Variants in METTL2B observed in about 807,000 individuals in gnomAD.
METTL2B encodes the protein methyltransferase 2B, tRNA N3-cytidine.
METTL2B carries 28 observed loss-of-function variants against 51.0 expected under a neutral mutation model. The ratio of observed to expected loss-of-function variants is 0.55; its 90% CI spans 0.41 to 0.75. METTL2B has a LOEUF of 0.75. Ranked by LOEUF, METTL2B falls within the 30% of genes least tolerant of loss-of-function variation. The pLI is 0.00. For missense variants in METTL2B, 313 were observed against 460.7 expected, an observed-to-expected ratio of 0.68 and a Z score of 2.93; for synonymous variants, 128 against 166.3, an observed-to-expected ratio of 0.77 and a Z score of 1.77.
chr7:128,490,219 C>T (rs1468120699), intron 5 of METTL2B, among the ~76,000 whole-genome samples: 1 of 151,882 alleles, frequency 6.6e-6, no homozygotes, highest in Non-Finnish European at 1.5e-5. Context: ...AGAAGCAACT[C>T]CTTATAGATA....
At chr7:128,500,825 C>A in intron 7 of METTL2B, 78 bp from the exon 8 acceptor site, 1 of 1,564,022 alleles carries the variant, frequency 6.4e-7, no homozygotes, top group Non-Finnish European at 8.8e-7. Context: ...AAACTGGCCT[C>A]TCAGTTAACA....
At chr7:128,486,973 A>G (rs927582856) in intron 4 of METTL2B, among the ~76,000 whole-genome samples, 2 of 152,244 alleles carry the variant, frequency 1.3e-5, no homozygotes, top group Admixed American at 1.3e-4. Context: ...CAGGACAGGC[A>G]TGGACCCTGC....
intron 3 of METTL2B, among the ~76,000 whole-genome samples, chr7:128,479,801 T>C (rs1483393850): frequency 1.3e-5 from 2 of 152,240 alleles, no homozygotes; most frequent in Non-Finnish European, 2.9e-5. Context: ...CACTGTATCA[T>C]ACAGGTGAAA....
intron 6 of METTL2B, among the ~76,000 whole-genome samples, chr7:128,497,380 T>C (rs1447164778): frequency 6.6e-6 from 1 of 152,206 alleles, no homozygotes; most frequent in Admixed American, 6.5e-5. Flanking sequence ...CAGAACCCAC[T>C]GGATGCTCAG....
chr7:128,478,442 G>C (rs1799830696), intron 2 of METTL2B, among the ~76,000 whole-genome samples: 1 of 151,184 alleles, frequency 6.6e-6, no homozygotes, highest in Non-Finnish European at 1.5e-5. Flanking sequence ...GTACAGATGG[G>C]GTTTCACCAT....
intron 6 of METTL2B, among the ~76,000 whole-genome samples, chr7:128,496,082 G>A (rs908826317): frequency 3.9e-5 from 6 of 152,112 alleles, no homozygotes; most frequent in Non-Finnish European, 7.4e-5. Context: ...AGAGTCCAAG[G>A]ACCCCTTGCT....
rs928009796 is a variant in METTL2B, at chr7:128,504,948, A to C, written c.*3032A>C. 3 of 151,984 alleles carry C rather than the reference A, an allele frequency of 2.0e-5. No homozygotes were observed. The highest frequency in any genetic ancestry group is 2.0e-4 in the Admixed American group (3 of 15,248). The allele number at this position is 151,984 out of a possible 1,614,324, so 9.4% of individuals were successfully genotyped here. ...ACCCCGTCTCTACTAAAAATACAAA[A>C]TAGCCAGGTGTGATGGCGCATGCCT... On this transcript the variant is annotated 3_prime_UTR_variant, in exon 9 of 9. Transcript: ENST00000262432.
chr7:128,478,568 A>C (rs1212269909), intron 2 of METTL2B, among the ~76,000 whole-genome samples: 1 of 148,226 alleles, frequency 6.7e-6, no homozygotes, highest in Non-Finnish European at 1.5e-5. Context: ...ATTTTTTAAT[A>C]GTTAAAAGTC....
chr7:128,478,151 T>A (rs1473531303), intron 2 of METTL2B, among the ~76,000 whole-genome samples: 1 of 152,006 alleles, frequency 6.6e-6, no homozygotes, highest in African/African-American at 2.4e-5. Flanking sequence ...TTATTCTTTC[T>A]ACTACACTAG....
intron 4 of METTL2B, among the ~76,000 whole-genome samples, chr7:128,484,844 G>A (rs1329141034): frequency 6.6e-6 from 1 of 152,144 alleles, no homozygotes; most frequent in African/African-American, 2.4e-5. Context: ...GCCTGCCAAA[G>A]TGCTGGGATT....
chr7:128,504,777 C>G lies in METTL2B; in HGVS notation c.*2861C>G, dbSNP rs1042741342. 1 of 151,732 alleles carries G rather than the reference C, an allele frequency of 6.6e-6. No individual in the cohort carries two copies. The highest frequency in any genetic ancestry group is 2.4e-5 in the African/African-American group (1 of 41,338). The allele number at this position is 151,732 out of a possible 1,614,324, so 9.4% of individuals were successfully genotyped here. ...TTGAGGTCAGGAGTTCGAGACCAGC[C>G]TGGCCAACTTAATGAAACCCCATCT... On this transcript the variant is annotated 3_prime_UTR_variant, in exon 9 of 9. Coordinates refer to ENST00000262432, the MANE Select transcript of METTL2B (RefSeq NM_018396.3).
intron 7 of METTL2B, 77 bp downstream of exon 7, chr7:128,498,219 A>G (rs1006235558): frequency 7.3e-6 from 11 of 1,513,912 alleles, no homozygotes; most frequent in Non-Finnish European, 9.0e-6. Flanking sequence ...GGAAATCATC[A>G]TTCTCAGCAA....
intron 5 of METTL2B, among the ~76,000 whole-genome samples, chr7:128,491,585 A>G (rs901576631): frequency 1.4e-5 from 2 of 147,106 alleles, no homozygotes; most frequent in African/African-American, 2.5e-5. Context: ...CAAGAGCGAA[A>G]CTCTATCTCA....
rs1441521818 is a variant in METTL2B, at chr7:128,505,514, CAT to C, written c.*3599_*3600del. 1 of 152,134 alleles carries C rather than the reference CAT, an allele frequency of 6.6e-6. No individual in the cohort carries two copies. Among genetic ancestry groups the C allele is most frequent in the Non-Finnish European group, 1.5e-5 (1 of 68,028 alleles). 9.4% of individuals were successfully genotyped at this position (152,134 alleles called of 1,614,324 possible). A position where few individuals can be genotyped will look rare whatever the true frequency, so the allele number is the denominator to read the frequency against. On this transcript the variant is annotated 3_prime_UTR_variant, in exon 9 of 9. Coordinates refer to ENST00000262432, the MANE Select transcript of METTL2B (RefSeq NM_018396.3). ...TCCCATAGGATCGTATCAGGCGACA[CAT>C]GATTATGAATTTCCCCATTATTGGT...
In METTL2B at chr7:128,502,028, C is replaced by A; in HGVS notation, c.*112C>A. ...CCTGTAATCCCAGCCACTCAGGAGG[C>A]TGAGGCAGGGAGGATCCATTGAGCC... On this transcript the variant is annotated 3_prime_UTR_variant, in exon 9 of 9. Transcript: ENST00000262432. The A allele has an allele frequency of 6.7e-7, 1 of 1,493,810 alleles. No homozygotes were observed. Among genetic ancestry groups the A allele is most frequent in the Non-Finnish European group, 9.0e-7 (1 of 1,107,186 alleles). 92.5% of individuals were successfully genotyped at this position (1,493,810 alleles called of 1,614,324 possible).
intron 6 of METTL2B, among the ~76,000 whole-genome samples, chr7:128,494,323 C>T (rs577124454): frequency 6.6e-6 from 1 of 152,146 alleles, no homozygotes; most frequent in East Asian, 1.9e-4. Flanking sequence ...GAGTTGGGCT[C>T]GAAGTAAAAA....
intron 4 of METTL2B, among the ~76,000 whole-genome samples, chr7:128,486,650 C>A (rs1253837754): frequency 6.6e-6 from 1 of 151,956 alleles, no homozygotes; most frequent in African/African-American, 2.4e-5. Flanking sequence ...GCTTGCCAGG[C>A]GCGGTGGCTC....
At chr7:128,500,116 G>A (rs1022561843) in intron 7 of METTL2B, among the ~76,000 whole-genome samples, 36 of 152,248 alleles carry the variant, frequency 2.4e-4, no homozygotes, top group Non-Finnish European at 4.1e-4. Flanking sequence ...TTGGGCATTC[G>A]GGAAGGTCTA....
intron 7 of METTL2B, among the ~76,000 whole-genome samples, chr7:128,499,517 CTT>C (rs1297101344): frequency 7.5e-5 from 9 of 119,878 alleles, no homozygotes; most frequent in Non-Finnish European, 1.2e-4. Context: ...TATTAACAGC[CTT>C]TTTTTTTTTT....
Sources: allele counts gnomAD v4.1 joint callset (sites outside exome capture counted in the v4.1 genomes callset), GRCh38; gene constraint gnomAD v4.1.1; transcripts MANE v1.5; gene names NCBI Gene and HGNC (gene_info 2026-07-23, HGNC 2026-07-21).